EXOC6B: variants seen among roughly 807,000 people sequenced by gnomAD.
The protein encoded by EXOC6B is exocyst complex component 6B.
A neutral mutation model predicts 113.5 loss-of-function variants in EXOC6B; 54 were observed. The observed-to-expected ratio is 0.48, with a 90% CI of 0.38 to 0.60. The LOEUF (loss-of-function observed/expected upper bound fraction) is 0.60. EXOC6B is among the 20% of genes least tolerant of loss of function. The probability of loss-of-function intolerance (pLI) is 0.00; values close to 1 mark genes in which losing one functional copy is unlikely to be tolerated. For missense variants in EXOC6B, 797 were observed against 977.5 expected (o/e 0.82, Z 2.46); for synonymous variants, 357 against 339.0 (o/e 1.05, Z -0.58).
chr2:72,445,144 T>C (rs563421931), intron 18 of EXOC6B, among the ~76,000 whole-genome samples: 1 of 152,302 alleles, frequency 6.6e-6, no homozygotes, highest in South Asian at 2.1e-4. Flanking sequence ...AAGTTCAAAG[T>C]TCCACAAATC....
intron 8 of EXOC6B, among the ~76,000 whole-genome samples, chr2:72,548,958 G>A (rs1703056136): frequency 6.6e-6 from 1 of 152,028 alleles, no homozygotes; most frequent in East Asian, 1.9e-4. Context: ...CTTGCAGTGA[G>A]CCAAGATCGC....
chr2:72,708,566 G>T (rs903648292), intron 6 of EXOC6B, among the ~76,000 whole-genome samples: 1 of 152,100 alleles, frequency 6.6e-6, no homozygotes, highest in Non-Finnish European at 1.5e-5. Flanking sequence ...ATTGCCAGGG[G>T]TTATAAATGA....
chr2:72,593,629 A>G (rs916301747), intron 6 of EXOC6B, among the ~76,000 whole-genome samples: 1 of 141,662 alleles, frequency 7.1e-6, no homozygotes, highest in Admixed American at 7.4e-5. Context: ...ATGAACAAAA[A>G]CCAATAGGGA....
intron 6 of EXOC6B, among the ~76,000 whole-genome samples, chr2:72,654,492 A>G (rs1674448072): frequency 6.6e-6 from 1 of 152,226 alleles, no homozygotes; most frequent in South Asian, 2.1e-4. Context: ...AGGGAGACCT[A>G]GGTTTCAAAA....
chr2:72,778,514 T>C (rs1683837104), intron 1 of EXOC6B, among the ~76,000 whole-genome samples: 1 of 152,190 alleles, frequency 6.6e-6, no homozygotes, highest in Admixed American at 6.5e-5. Flanking sequence ...AATTAACTCT[T>C]TGGTGCCTGC....
Position 72,755,828 on chromosome 2 carries a change from G to A in EXOC6B, c.114-14359C>T, listed in dbSNP as rs117273622. Among the ~76,000 whole-genome samples, 63 of 152,260 alleles carry A rather than the reference G, an allele frequency of 4.1e-4. 1 individual carries two copies. In the East Asian group the frequency reaches 0.011, roughly 26 times the overall value. ...TCTGGCCCTTGTTGCCAACAGAAGG[G>A]GGAGGGTGACAGCAGTCCCTACGGG... On this transcript the variant is annotated intron_variant, in intron 1 of 21. Transcript: ENST00000272427.
chr2:72,400,063 T>C (rs1321171612), intron 18 of EXOC6B, among the ~76,000 whole-genome samples: 1 of 152,236 alleles, frequency 6.6e-6, no homozygotes, highest in Non-Finnish European at 1.5e-5. Context: ...CAAAACAGCA[T>C]GGTACTGGTA....
intron 6 of EXOC6B, among the ~76,000 whole-genome samples, chr2:72,706,705 C>T (rs10496186): frequency 1.3e-5 from 2 of 152,270 alleles, no homozygotes; most frequent in Admixed American, 6.5e-5. Context: ...TAGCCTAGGA[C>T]GACATTCAGA....
At chr2:72,560,740 C>T (rs1016249712) in intron 7 of EXOC6B, among the ~76,000 whole-genome samples, 6 of 151,784 alleles carry the variant, frequency 4.0e-5, no homozygotes, top group African/African-American at 1.5e-4. Context: ...TCCTTGATAG[C>T]ACTGTATACT....
intron 19 of EXOC6B, among the ~76,000 whole-genome samples, chr2:72,371,524 G>T (rs1691015687): frequency 2.0e-5 from 3 of 152,134 alleles, no homozygotes; most frequent in Non-Finnish European, 2.9e-5. Context: ...ATGCAAGGAT[G>T]GTTCAACATA....
At chr2:72,268,136 AGT>A (rs1684251215) in intron 20 of EXOC6B, among the ~76,000 whole-genome samples, 1 of 152,146 alleles carries the variant, frequency 6.6e-6, no homozygotes, top group East Asian at 1.9e-4. Flanking sequence ...TTTGAGACAG[AGT>A]CTCACTCTGT....
chr2:72,358,407 A>C (rs867273844), intron 19 of EXOC6B, among the ~76,000 whole-genome samples: 7 of 152,256 alleles, frequency 4.6e-5, no homozygotes, highest in Middle Eastern at 3.4e-3. Context: ...GACCATAGCT[A>C]GTCGTTGGCA....
intron 20 of EXOC6B, among the ~76,000 whole-genome samples, chr2:72,193,870 A>G (rs1679001599): frequency 6.6e-6 from 1 of 152,234 alleles, no homozygotes; most frequent in South Asian, 2.1e-4. Flanking sequence ...TTTCTAGATC[A>G]GAAGATGGAA....
chr2:72,540,127 A>G (rs1475639542), intron 8 of EXOC6B, among the ~76,000 whole-genome samples: 1 of 151,788 alleles, frequency 6.6e-6, no homozygotes, highest in Non-Finnish European at 1.5e-5. Context: ...ACATGAACTC[A>G]TCATTTTTTA....
chr2:72,181,287 A>G (rs1678068520), intron 21 of EXOC6B, among the ~76,000 whole-genome samples: 1 of 152,172 alleles, frequency 6.6e-6, no homozygotes, highest in Non-Finnish European at 1.5e-5. Flanking sequence ...GCAAACTCAG[A>G]ACATTGAATA....
intron 19 of EXOC6B, among the ~76,000 whole-genome samples, chr2:72,369,920 C>G (rs577879718): frequency 1.3e-5 from 2 of 152,244 alleles, no homozygotes; most frequent in African/African-American, 4.8e-5. Flanking sequence ...AGAAGAAAAC[C>G]TAGGCAATAC....
rs536033415 is a variant in EXOC6B at position 72,726,446 on chromosome 2, C to G, written c.464+4561G>C. On this transcript the variant is annotated intron_variant, in intron 5 of 21. Coordinates refer to ENST00000272427, the MANE Select transcript of EXOC6B (RefSeq NM_015189.3). Reference sequence around the variant, plus strand: ...TATTTCTGAGAGAATTCATAGCCAGCAGACTGATCCAACAAGAAATATTAA... The same window carrying G: ...TATTTCTGAGAGAATTCATAGCCAGGAGACTGATCCAACAAGAAATATTAA... Among the ~76,000 whole-genome samples the G allele has an allele frequency of 1.1e-4, 16 of 152,166 alleles. No individual in the cohort carries two copies. In the South Asian group the frequency reaches 3.1e-3, roughly 30 times the overall value.
At chr2:72,421,175 C>G (rs1694846694) in intron 18 of EXOC6B, among the ~76,000 whole-genome samples, 1 of 152,160 alleles carries the variant, frequency 6.6e-6, no homozygotes, top group Non-Finnish European at 1.5e-5. Context: ...AACTTTCTCC[C>G]ATTCTCTAGG....
intron 6 of EXOC6B, among the ~76,000 whole-genome samples, chr2:72,586,501 C>T (rs1048595536): frequency 2.6e-5 from 4 of 152,132 alleles, no homozygotes; most frequent in Admixed American, 2.0e-4. Flanking sequence ...GCCTGTAATT[C>T]CAGCACTTTG....
Sources: allele counts gnomAD v4.1 joint callset (sites outside exome capture counted in the v4.1 genomes callset), GRCh38; gene constraint gnomAD v4.1.1; transcripts MANE v1.5; gene names NCBI Gene and HGNC (gene_info 2026-07-23, HGNC 2026-07-21).